PDS5A: variants seen among roughly 807,000 people sequenced by gnomAD.
PDS5A encodes the protein sister chromatid cohesion protein PDS5 homolog A.
A neutral mutation model predicts 167.1 loss-of-function variants in PDS5A; 42 were observed. The ratio of observed to expected loss-of-function variants is 0.25; its 90% CI spans 0.20 to 0.33. PDS5A has a LOEUF of 0.33. Among genes scored for constraint, PDS5A ranks in the 10% least tolerant of loss-of-function variants. The pLI is 1.00. For missense variants in PDS5A, 1,033 were observed against 1,605.9 expected (o/e 0.64, Z 6.10); for synonymous variants, 553 against 554.6 (o/e 1.00, Z 0.04).
chr4:39,918,014 A>G (rs1724555441), intron 7 of PDS5A, among the ~76,000 whole-genome samples: 1 of 151,978 alleles, frequency 6.6e-6, no homozygotes, highest in Non-Finnish European at 1.5e-5. Flanking sequence ...CCTTGCCTCT[A>G]CAAAAAATAA....
In PDS5A at chr4:39,890,237, T is replaced by C. The variant is rs549945643; in HGVS notation, c.1886+12A>G. 5 of 1,376,714 alleles carry C rather than the reference T, an allele frequency of 3.6e-6. No homozygotes were observed. The highest frequency in any genetic ancestry group is 5.0e-6 in the Non-Finnish European group (5 of 990,262). 85.3% of individuals were successfully genotyped at this position (1,376,714 alleles called of 1,614,324 possible). A position where few individuals can be genotyped will look rare whatever the true frequency, so the allele number is the denominator to read the frequency against. On this transcript the variant is annotated intron_variant, in intron 17 of 32. Coordinates refer to ENST00000303538, the MANE Select transcript of PDS5A (RefSeq NM_001100399.2). ...ATTATTTATTTTTGAGCGAATATAC[T>C]TCTTGGCTTACCTTATGGCTTCTGA...
chr4:39,869,478 T>A lies in PDS5A; in HGVS notation c.2437-16A>T, dbSNP rs1197946089. 4.0e-6 allele frequency: 6 copies of A among 1,505,852 alleles called. No homozygotes were observed. The highest frequency in any genetic ancestry group is 3.5e-5 in the Admixed American group (2 of 56,970). The allele number at this position is 1,505,852 out of a possible 1,614,324, so 93.3% of individuals were successfully genotyped here. On this transcript the variant is annotated splice_polypyrimidine_tract_variant and intron_variant, in intron 21 of 32. Transcript: ENST00000303538. Reference sequence around the variant, plus strand: ...CACCTGTTGACTATAGACAATTGAATAAATTTAGCTATTAGCATGAAAAAA... The same window carrying A: ...CACCTGTTGACTATAGACAATTGAAAAAATTTAGCTATTAGCATGAAAAAA...
chr4:39,928,186 C>A lies in PDS5A; in HGVS notation c.139-22G>T. 7 of 1,448,352 alleles carry A rather than the reference C, an allele frequency of 4.8e-6. No individual in the cohort carries two copies. The South Asian group carries it at 6.0e-5, about 12-fold the overall frequency. 89.7% of individuals were successfully genotyped at this position (1,448,352 alleles called of 1,614,324 possible). On this transcript the variant is annotated intron_variant, in intron 2 of 32. Transcript: ENST00000303538. ...CCATCTGTAAAAATGTACAAAAACACAAAATAATTAACTCCTGGAATTTAG... is the reference window on the plus strand; with the variant it reads ...CCATCTGTAAAAATGTACAAAAACAAAAAATAATTAACTCCTGGAATTTAG...
intron 2 of PDS5A, among the ~76,000 whole-genome samples, chr4:39,934,773 T>C (rs1726425754): frequency 6.6e-6 from 1 of 151,990 alleles, no homozygotes; most frequent in Non-Finnish European, 1.5e-5. Context: ...TCCAGCACTC[T>C]ATAAATATTT....
intron 2 of PDS5A, among the ~76,000 whole-genome samples, chr4:39,939,682 A>G (rs1727038822): frequency 6.6e-6 from 1 of 152,020 alleles, no homozygotes; most frequent in African/African-American, 2.4e-5. Flanking sequence ...TAGAAATCCC[A>G]GGTACTTGGG....
intron 8 of PDS5A, 54 bp downstream of exon 8, chr4:39,916,994 C>T: frequency 9.0e-7 from 1 of 1,105,460 alleles, no homozygotes; most frequent in Non-Finnish European, 1.2e-6. Context: ...TACATTGTGC[C>T]TGCTCTAGAA....
Position 39,895,873 on chromosome 4 carries a change from A to G in PDS5A, c.1770+2516T>C, listed in dbSNP as rs375214091. 9.3e-4 allele frequency among the ~76,000 whole-genome samples: 139 copies of G among 149,618 alleles called. 3 individuals carry two copies. The South Asian group carries it at 0.028, about 30-fold the overall frequency. Reference sequence around the variant, plus strand: ...GCTGGGACTACAGGCGCCCGCCACCATGCTCAGCTAATTTTTTTTTTTTTG... The same window carrying G: ...GCTGGGACTACAGGCGCCCGCCACCGTGCTCAGCTAATTTTTTTTTTTTTG... On this transcript the variant is annotated intron_variant, in intron 16 of 32. Coordinates refer to ENST00000303538, the MANE Select transcript of PDS5A (RefSeq NM_001100399.2).
At chr4:39,832,511 A>C (rs1036560452) in intron 32 of PDS5A, among the ~76,000 whole-genome samples, 16 of 150,184 alleles carry the variant, frequency 1.1e-4, no homozygotes, top group Non-Finnish European at 1.8e-4. Flanking sequence ...CTGGCTCAAA[A>C]TTTTTTTTTT....
At chr4:39,925,788 C>T (rs780073076) in intron 5 of PDS5A, 48 bp downstream of exon 5, 1 of 696,882 alleles carries the variant, frequency 1.4e-6, no homozygotes, top group South Asian at 2.2e-5. Flanking sequence ...CATCTGAATA[C>T]ATAATCAAGA....
chr4:39,952,274 T>C (rs906182867), intron 2 of PDS5A, among the ~76,000 whole-genome samples: 2 of 152,164 alleles, frequency 1.3e-5, no homozygotes, highest in African/African-American at 4.8e-5. Context: ...GAGGTTGCAG[T>C]GAGCTGATAT....
chr4:39,853,723 G>C (rs1273793094), intron 26 of PDS5A, among the ~76,000 whole-genome samples: 2 of 151,720 alleles, frequency 1.3e-5, no homozygotes, highest in Admixed American at 6.6e-5. Flanking sequence ...TTTTCCCCTG[G>C]CTCCTTAAAT....
Position 39,917,146 on chromosome 4 carries a change from C to T in PDS5A, c.778G>A (p.Asp260Asn). 3 of 1,564,740 alleles carry T rather than the reference C, an allele frequency of 1.9e-6. No individual in the cohort carries two copies. The highest frequency in any genetic ancestry group is 2.6e-6 in the Non-Finnish European group (3 of 1,159,822). The change falls in exon 8 of 33, where the codon GAT becomes AAT. Residue 260 changes from aspartate (D) to asparagine (N), a missense_variant. Asp to Asn is a conservative substitution (Grantham distance 23). This residue lies in a region of PDS5A where 388 missense variants were observed against 615.1 expected (regional missense o/e 0.63). Coordinates refer to ENST00000303538, the MANE Select transcript of PDS5A (RefSeq NM_001100399.2). ...AGATCAAATACATGTTCTGACAAAT[C>T]ACTTACTGATGATCTTCCCAGCACC... ...VLVLGRSSVS[D>N]LSEHVFDLIQ...
chr4:39,976,760 C>T (rs1316726650), intron 1 of PDS5A, 143 bp from the exon 2 acceptor site: 2 of 481,202 alleles, frequency 4.2e-6, no homozygotes, highest in Non-Finnish European at 7.4e-6. Flanking sequence ...CGCTCTTTCC[C>T]AGGGATCGAA....
intron 2 of PDS5A, among the ~76,000 whole-genome samples, chr4:39,946,123 C>T (rs915575982): frequency 4.0e-5 from 6 of 150,114 alleles, no homozygotes; most frequent in Admixed American, 2.7e-4. Flanking sequence ...AGGAGAATCG[C>T]TTGAACCCAG....
rs766852469 is a variant in PDS5A, at chr4:39,849,538, A to G, written c.3201T>C (p.Asp1067=). ...IKLTRDAQSP[D]ESKTNEKLYT... Reference sequence around the variant, plus strand: ...ATCTTACTTCATTTGTCTTGGATTCATCTGGAGACTGGGCATCTCTGGTTA... The same window carrying G: ...ATCTTACTTCATTTGTCTTGGATTCGTCTGGAGACTGGGCATCTCTGGTTA... Residue 1067 remains aspartate, a synonymous_variant, in exon 27 of 33, where the codon GAT becomes GAC. Transcript: ENST00000303538. 23 of 1,610,226 alleles carry G rather than the reference A, an allele frequency of 1.4e-5. No individual in the cohort carries two copies. Among genetic ancestry groups the G allele is most frequent in the African/African-American group, 4.0e-5 (3 of 74,502 alleles).
chr4:39,898,599 G>A (rs2109644472), intron 15 of PDS5A, 71 bp from the exon 16 acceptor site: 4 of 1,100,648 alleles, frequency 3.6e-6, no homozygotes, highest in East Asian at 2.7e-5. Context: ...CTAAAAACAG[G>A]TGCCATCAAA....
chr4:39,878,402 T>C (rs1432969972), intron 18 of PDS5A, among the ~76,000 whole-genome samples: 2 of 152,128 alleles, frequency 1.3e-5, no homozygotes, highest in Non-Finnish European at 1.5e-5. Flanking sequence ...GAGACCATCC[T>C]GGCTAACATG....
At chr4:39,965,942 TTATG>T (rs144588421) in intron 2 of PDS5A, among the ~76,000 whole-genome samples, 5 of 152,294 alleles carry the variant, frequency 3.3e-5, no homozygotes, top group African/African-American at 1.2e-4. Context: ...AAATTTTATG[TTATG>T]TATATTTTAC....
intron 2 of PDS5A, among the ~76,000 whole-genome samples, chr4:39,962,808 G>A (rs578063874): frequency 4.6e-5 from 7 of 151,844 alleles, no homozygotes; most frequent in Admixed American, 3.9e-4. Context: ...GAGGAAGAGG[G>A]GGAATTAACC....
Sources: gnomAD v4.1 joint callset for allele counts (sites outside exome capture counted in the v4.1 genomes callset) on GRCh38, gnomAD v4.1.1 for gene constraint, gnomAD v4.1.1 regional missense constraint, MANE v1.5 for transcripts, NCBI Gene and HGNC (gene_info 2026-07-23, HGNC 2026-07-21) for gene names.